Variants in SLC12A1 observed in about 807,000 individuals in gnomAD.
The protein encoded by SLC12A1 is solute carrier family 12 member 1, also known as Na-K-2Cl cotransporter.
In SLC12A1, 89 loss-of-function variants were observed where a neutral mutation model predicts 130.4. The observed-to-expected ratio is 0.68, with a 90% CI of 0.58 to 0.81. The LOEUF (loss-of-function observed/expected upper bound fraction) is 0.81, where lower values mean the gene tolerates loss of function less well. Ranked by LOEUF, SLC12A1 falls within the 40% of genes least tolerant of loss-of-function variation. The probability of loss-of-function intolerance (pLI) is 0.00; values close to 1 mark genes in which losing one functional copy is unlikely to be tolerated. For missense variants in SLC12A1, 1,310 were observed against 1,336.4 expected (o/e 0.98, Z 0.31); for synonymous variants, 499 against 460.0 (o/e 1.08, Z -1.09).
intron 5 of SLC12A1, chr15:48,227,944 A>G (rs552901378): frequency 1.6e-4 from 24 of 152,318 alleles, no homozygotes; most frequent in African/African-American, 5.8e-4. Flanking sequence ...AAAGGAAATA[A>G]TGGGGATTTG....
intron 17 of SLC12A1, among the ~76,000 whole-genome samples, chr15:48,263,180 T>A (rs971176295): frequency 6.6e-6 from 1 of 152,216 alleles, no homozygotes; most frequent in African/African-American, 2.4e-5. Flanking sequence ...ATAGGAATTT[T>A]TTTATTAAAA....
Position 48,226,505 on chromosome 15 carries a change from AC to A in SLC12A1, c.660del (p.Met221TrpfsTer2). 2 of 1,602,082 alleles carry A rather than the reference AC, an allele frequency of 1.2e-6. No homozygotes were observed. Among genetic ancestry groups the A allele is most frequent in the Non-Finnish European group, 1.7e-6 (2 of 1,175,122 alleles). ...GLGVLIILLS[T>X]MVTSITGLST... ...TGGAGTTCTCATAATTCTTCTTTCC[AC>A]CATGGTAACTTCTATTACTGGGTTG... On this transcript the variant is annotated frameshift_variant, in exon 5 of 27. Coordinates refer to ENST00000380993, the MANE Select transcript of SLC12A1 (RefSeq NM_000338.3). LOFTEE classifies it high-confidence loss of function.
intron 4 of SLC12A1, chr15:48,222,687 C>T (rs1223646395): frequency 6.6e-6 from 1 of 152,046 alleles, no homozygotes; most frequent in Non-Finnish European, 1.5e-5. Flanking sequence ...CTGGCCTTTG[C>T]TATGAACCTA....
chr15:48,285,516 T>C (rs2042048048), intron 21 of SLC12A1, among the ~76,000 whole-genome samples: 2 of 152,204 alleles, frequency 1.3e-5, no homozygotes, highest in South Asian at 4.1e-4. Context: ...CTTAAGCAGA[T>C]TGCATGCCAT....
Position 48,303,904 on chromosome 15 carries a change from T to G in SLC12A1, c.*1019T>G, listed in dbSNP as rs1023311977. On this transcript the variant is annotated 3_prime_UTR_variant, in exon 27 of 27. Transcript: ENST00000380993. ...AAAATTTGGAATATACAGATACTGA[T>G]TTTTTTCATTTTTGTTAGTATACCT... 1 of 152,216 alleles carries G rather than the reference T, an allele frequency of 6.6e-6. No individual in the cohort carries two copies. The highest frequency in any genetic ancestry group is 1.5e-5 in the Non-Finnish European group (1 of 68,024). The allele number at this position is 152,216 out of a possible 1,614,324, so 9.4% of individuals were successfully genotyped here.
intron 17 of SLC12A1, among the ~76,000 whole-genome samples, chr15:48,260,348 T>TCACA (rs10673427): frequency 0.46 from 66,746 of 144,214 alleles, 18,950 homozygotes; most frequent in Non-Finnish European, 0.65. Flanking sequence ...TCTCTCTCTA[T>TCACA]CACACACACA....
Position 48,208,074 on chromosome 15 carries a change from G to A in SLC12A1, c.355G>A (p.Gly119Ser), listed in dbSNP as rs747096443. ...VPKIEYYRNT[G>S]SISGPKVNRP... ...CAAGATAGAGTACTATCGTAACACC[G>A]GCAGCATCAGTGGGCCCAAGGTCAA... Residue 119 changes from glycine (G) to serine (S), a missense_variant, in exon 2 of 27, where the codon GGC becomes AGC. Gly to Ser is a moderately conservative substitution (Grantham distance 56, BLOSUM62 0). Transcript: ENST00000380993. 4.3e-6 allele frequency: 7 copies of A among 1,613,138 alleles called. No individual in the cohort carries two copies. Among genetic ancestry groups the A allele is most frequent in the African/African-American group, 1.3e-5 (1 of 75,018 alleles).
chr15:48,285,693 G>T (rs1597454499), intron 21 of SLC12A1, among the ~76,000 whole-genome samples: 1 of 152,164 alleles, frequency 6.6e-6, no homozygotes, highest in African/African-American at 2.4e-5. Context: ...TTCAACAAAA[G>T]CATCTTTATC....
At chr15:48,212,431 C>G (rs73402685) in intron 2 of SLC12A1, among the ~76,000 whole-genome samples, 2,059 of 152,252 alleles carry the variant, frequency 0.014, 53 homozygotes, top group African/African-American at 0.048. Context: ...CATTGTTCTG[C>G]ACTCTGCAGT....
chr15:48,290,744 T>C (rs2042110189), intron 23 of SLC12A1, among the ~76,000 whole-genome samples: 3 of 152,098 alleles, frequency 2.0e-5, no homozygotes, highest in Admixed American at 1.3e-4. Context: ...GTCTTTTCAA[T>C]CAAAGCAATA....
At chr15:48,254,817 G>C (rs1019353262) in intron 15 of SLC12A1, among the ~76,000 whole-genome samples, 1 of 151,722 alleles carries the variant, frequency 6.6e-6, no homozygotes, top group South Asian at 2.1e-4. Context: ...CCAGCTACTC[G>C]GGAGGCTGAG....
In SLC12A1 at chr15:48,299,236, G is replaced by T. The variant is rs761193706; in HGVS notation, c.3057G>T (p.Trp1019Cys). ...AGAAATTAAAAAGAGAAACTCCGTG[G>T]AAAATTACAGATGCAGAACTGGAAG... ...TAEKLKRETP[W>C]KITDAELEAV... The change falls in exon 25 of 27, where the codon TGG (tryptophan) becomes TGT (cysteine). Residue 1019 changes from tryptophan (W) to cysteine (C), a missense_variant. By Grantham distance (215) the Trp-to-Cys change is radical. Coordinates refer to ENST00000380993, the MANE Select transcript of SLC12A1 (RefSeq NM_000338.3). The T allele has an allele frequency of 3.7e-6, 6 of 1,607,516 alleles. No individual in the cohort carries two copies. The South Asian group carries it at 5.6e-5, about 15-fold the overall frequency.
chr15:48,289,280 C>A (rs896435172), intron 23 of SLC12A1, among the ~76,000 whole-genome samples: 19 of 151,086 alleles, frequency 1.3e-4, no homozygotes, highest in Admixed American at 5.3e-4. Context: ...GGACTAAGCT[C>A]TGAGCCCTTC....
At chr15:48,210,644 C>T (rs1204247249) in intron 2 of SLC12A1, among the ~76,000 whole-genome samples, 1 of 142,160 alleles carries the variant, frequency 7.0e-6, no homozygotes, top group Non-Finnish European at 1.5e-5. Flanking sequence ...CACCTGAGGT[C>T]AAAAATTCAA....
chr15:48,302,447 C>T (rs112972649), intron 26 of SLC12A1, among the ~76,000 whole-genome samples: 1 of 150,512 alleles, frequency 6.6e-6, no homozygotes, highest in Admixed American at 6.6e-5. Context: ...GGTGAAACCC[C>T]GTCTCTACTA....
intron 2 of SLC12A1, among the ~76,000 whole-genome samples, chr15:48,212,369 T>C (rs2041062226): frequency 6.6e-6 from 1 of 152,224 alleles, no homozygotes; most frequent in South Asian, 2.1e-4. Context: ...TTCCTATCAA[T>C]CTAACTTTCT....
At chr15:48,246,860 C>G in intron 11 of SLC12A1, 49 bp from the exon 12 acceptor site, 1 of 1,258,116 alleles carries the variant, frequency 7.9e-7, no homozygotes, top group Admixed American at 1.7e-5. Context: ...GCTTATGAAA[C>G]AGATTCCAAA....
intron 2 of SLC12A1, among the ~76,000 whole-genome samples, chr15:48,217,659 C>T (rs550222400): frequency 7.2e-5 from 11 of 151,858 alleles, no homozygotes; most frequent in Non-Finnish European, 1.6e-4. Flanking sequence ...CCAGAAGAAA[C>T]AATAAGAAAT....
chr15:48,234,874 C>G lies in SLC12A1; in HGVS notation c.1088-3C>G, dbSNP rs1292381540. ...CATAATTTTCTTATAATTTATGTTGCAGCATCAATATTTGCAGAAAACTTT... is the reference window on the plus strand; with the variant it reads ...CATAATTTTCTTATAATTTATGTTGGAGCATCAATATTTGCAGAAAACTTT... On this transcript the variant is annotated splice_region_variant and splice_polypyrimidine_tract_variant and intron_variant, in intron 8 of 26. Transcript: ENST00000380993. 1 of 1,613,466 alleles carries G rather than the reference C, an allele frequency of 6.2e-7. No individual in the cohort carries two copies. The highest frequency in any genetic ancestry group is 1.3e-5 in the African/African-American group (1 of 75,008).
Sources: allele counts gnomAD v4.1 joint callset (sites outside exome capture counted in the v4.1 genomes callset), GRCh38; gene constraint gnomAD v4.1.1; transcripts MANE v1.5; gene names NCBI Gene and HGNC (gene_info 2026-07-23, HGNC 2026-07-21).